The following NRXN1 variants were observed in gnomAD, a reference collection of about 807,000 sequenced individuals.
NRXN1 encodes the protein neurexin 1.
In NRXN1, 39 loss-of-function variants were observed where a neutral mutation model predicts 150.9. The observed-to-expected ratio is 0.26, with a 90% CI of 0.20 to 0.34. The LOEUF (loss-of-function observed/expected upper bound fraction) is 0.34. NRXN1 is among the 10% of genes least tolerant of loss of function. NRXN1 has a pLI of 1.00. For missense variants in NRXN1, 1,815 were observed against 1,949.9 expected (o/e 0.93, Z 1.30); for synonymous variants, 924 against 757.0 (o/e 1.22, Z -3.62).
chr2:50,264,302 T>G (rs1042614058), intron 17 of NRXN1, among the ~76,000 whole-genome samples: 10 of 152,022 alleles, frequency 6.6e-5, no homozygotes, highest in Admixed American at 2.0e-4. Flanking sequence ...AGAAACAGAA[T>G]AGATAACATT....
At chr2:49,933,395 A>G (rs1670481903) in intron 22 of NRXN1, among the ~76,000 whole-genome samples, 1 of 151,892 alleles carries the variant, frequency 6.6e-6, no homozygotes, top group South Asian at 2.1e-4. Flanking sequence ...CTTTAGGTAT[A>G]TTTTCTAAGC....
At chr2:50,561,452 G>A (rs1381398456) in intron 8 of NRXN1, among the ~76,000 whole-genome samples, 1 of 152,170 alleles carries the variant, frequency 6.6e-6, no homozygotes, top group African/African-American at 2.4e-5. Flanking sequence ...ATTTTCAGAT[G>A]AGGAAACTGA....
At chr2:50,808,222 T>C (rs1054340082) in intron 5 of NRXN1, among the ~76,000 whole-genome samples, 8 of 152,100 alleles carry the variant, frequency 5.3e-5, no homozygotes, top group African/African-American at 1.9e-4. Context: ...CCATCCAGAA[T>C]GACTGTAACC....
intron 15 of NRXN1, among the ~76,000 whole-genome samples, chr2:50,491,532 G>A (rs1414973614): frequency 5.3e-5 from 8 of 152,126 alleles, no homozygotes; most frequent in African/African-American, 1.7e-4. Context: ...AGATAAATGG[G>A]TGATGATCCT....
chr2:50,776,753 T>C (rs972268288), intron 5 of NRXN1, among the ~76,000 whole-genome samples: 8 of 151,992 alleles, frequency 5.3e-5, no homozygotes, highest in African/African-American at 1.9e-4. Context: ...GTCTCATTTT[T>C]ATGGAGCTAC....
At chr2:50,236,749 G>T in intron 18 of NRXN1, 40 bp downstream of exon 18, 2 of 1,595,526 alleles carry the variant, frequency 1.3e-6, no homozygotes, top group Non-Finnish European at 1.7e-6. Flanking sequence ...AAAGTTAACA[G>T]TAAAAAGTAA....
At chr2:50,569,302 T>C (rs972962128) in intron 8 of NRXN1, among the ~76,000 whole-genome samples, 5 of 152,112 alleles carry the variant, frequency 3.3e-5, no homozygotes, top group Non-Finnish European at 5.9e-5. Flanking sequence ...AATTGGATTA[T>C]CTGTAACACA....
At chr2:50,221,340 C>T (rs1268256309) in intron 18 of NRXN1, among the ~76,000 whole-genome samples, 1 of 151,982 alleles carries the variant, frequency 6.6e-6, no homozygotes, top group African/African-American at 2.4e-5. Flanking sequence ...CCATGTGTTA[C>T]CACAGCAAGT....
intron 17 of NRXN1, among the ~76,000 whole-genome samples, chr2:50,358,765 G>C (rs1175857995): frequency 1.3e-5 from 2 of 152,212 alleles, no homozygotes; most frequent in South Asian, 4.1e-4. Context: ...GTGGGTCCCT[G>C]ATCCCCATGT....
intron 5 of NRXN1, 85 bp from the exon 6 acceptor site, chr2:50,623,700 C>T: frequency 1.1e-6 from 1 of 914,674 alleles, no homozygotes; most frequent in East Asian, 2.6e-5. Flanking sequence ...TAGCTAATCA[C>T]TCCCCAAATT....
Position 50,995,586 on chromosome 2 carries a change from C to T in NRXN1, c.772+31916G>A, listed in dbSNP as rs988325731. ...TGCCACTGTACTCCAGCCTGGGTGA[C>T]AGAGCTAGACTCTGTCAAAAAAAAA... is the stretch of plus-strand genomic sequence containing the variant. On this transcript the variant is annotated intron_variant, in intron 2 of 22. Transcript: ENST00000401669. Among the ~76,000 whole-genome samples the T allele has an allele frequency of 2.3e-5, 3 of 128,054 alleles. No individual in the cohort carries two copies. In the East Asian group the frequency reaches 6.7e-4, roughly 29 times the overall value. The allele number at this position is 128,054 out of a possible 152,430, so 84.0% of individuals were successfully genotyped here.
chr2:50,561,759 C>T (rs1174467673), intron 8 of NRXN1, among the ~76,000 whole-genome samples: 1 of 151,988 alleles, frequency 6.6e-6, no homozygotes, highest in Non-Finnish European at 1.5e-5. Flanking sequence ...ATATAAAAGT[C>T]CTGAGGGGGT....
At chr2:50,147,366 C>T (rs772536036) in intron 18 of NRXN1, among the ~76,000 whole-genome samples, 1 of 151,682 alleles carries the variant, frequency 6.6e-6, no homozygotes, top group Non-Finnish European at 1.5e-5. Context: ...GGCAAAGAAG[C>T]AGCATCCAAA....
At chr2:50,107,360 T>C (rs1248204274) in intron 18 of NRXN1, among the ~76,000 whole-genome samples, 3 of 151,476 alleles carry the variant, frequency 2.0e-5, no homozygotes, top group Non-Finnish European at 4.4e-5. Flanking sequence ...AACTGGAAAT[T>C]GTATCAGGTA....
intron 18 of NRXN1, among the ~76,000 whole-genome samples, chr2:50,160,097 C>T (rs892159345): frequency 1.5e-4 from 23 of 152,008 alleles, no homozygotes; most frequent in African/African-American, 4.4e-4. Context: ...AGCTACAATT[C>T]GGGCCAAACC....
intron 5 of NRXN1, among the ~76,000 whole-genome samples, chr2:50,850,142 C>T (rs1012385692): frequency 6.6e-6 from 1 of 151,098 alleles, no homozygotes; most frequent in Non-Finnish European, 1.5e-5. Context: ...GCAGTAGGAT[C>T]ACTTGAGCCC....
intron 17 of NRXN1, among the ~76,000 whole-genome samples, chr2:50,284,248 A>G (rs73930328): frequency 0.042 from 6,348 of 152,208 alleles, 451 homozygotes; most frequent in African/African-American, 0.14. Flanking sequence ...ATTTCTCTTC[A>G]TGTCTTAATC....
chr2:50,508,888 A>G (rs1397196261), intron 12 of NRXN1, among the ~76,000 whole-genome samples: 1 of 152,200 alleles, frequency 6.6e-6, no homozygotes, highest in African/African-American at 2.4e-5. Context: ...AAGGCACTTA[A>G]TAGTCTCACT....
At chr2:50,856,472 T>C (rs763634887) in intron 5 of NRXN1, among the ~76,000 whole-genome samples, 6 of 152,014 alleles carry the variant, frequency 3.9e-5, no homozygotes, top group Non-Finnish European at 8.8e-5. Context: ...ATTTAGTGTA[T>C]TCTATCAGAG....
Sources: allele counts gnomAD v4.1 joint callset (sites outside exome capture counted in the v4.1 genomes callset), GRCh38; gene constraint gnomAD v4.1.1; transcripts MANE v1.5; gene names NCBI Gene and HGNC (gene_info 2026-07-23, HGNC 2026-07-21).